The following NFATC2 variants were observed in gnomAD, a reference collection of about 807,000 sequenced individuals.
NFATC2 encodes the protein nuclear factor of activated T-cells, cytoplasmic 2.
A neutral mutation model predicts 87.3 loss-of-function variants in NFATC2; 22 were observed. The ratio of observed to expected loss-of-function variants is 0.25; its 90% CI spans 0.18 to 0.36. NFATC2 has a LOEUF of 0.36. Among genes scored for constraint, NFATC2 ranks in the 10% least tolerant of loss-of-function variants. The probability of loss-of-function intolerance (pLI) is 1.00; values close to 1 mark genes in which losing one functional copy is unlikely to be tolerated. For synonymous variants in NFATC2, 565 were observed against 542.2 expected (o/e 1.04, Z -0.58); for missense variants, 1,149 against 1,259.1 (o/e 0.91, Z 1.32).
chr20:51,397,849 G>A (rs1600650366), intron 10 of NFATC2, among the ~76,000 whole-genome samples: 1 of 152,282 alleles, frequency 6.6e-6, no homozygotes, highest in Middle Eastern at 3.4e-3. Flanking sequence ...ATTCCGATTA[G>A]AATATGGAGA....
chr20:51,554,930 C>T (rs1478873065), intron 1 of NFATC2, among the ~76,000 whole-genome samples: 1 of 152,062 alleles, frequency 6.6e-6, no homozygotes, highest in African/African-American at 2.4e-5. Context: ...TGAAGTGGTT[C>T]GAATATTCAT....
chr20:51,461,695 G>A (rs971173074), intron 5 of NFATC2, among the ~76,000 whole-genome samples: 8 of 152,248 alleles, frequency 5.3e-5, no homozygotes, highest in African/African-American at 1.7e-4. Flanking sequence ...CTGGAAATGG[G>A]AAGTTATTGC....
chr20:51,479,333 C>G (rs1989027718), intron 3 of NFATC2, among the ~76,000 whole-genome samples: 1 of 152,150 alleles, frequency 6.6e-6, no homozygotes, highest in South Asian at 2.1e-4. Flanking sequence ...AACAGTAATA[C>G]AGTGCCAGGC....
chr20:51,438,093 C>T (rs902478473), intron 6 of NFATC2, among the ~76,000 whole-genome samples: 3 of 152,186 alleles, frequency 2.0e-5, no homozygotes, highest in African/African-American at 7.2e-5. Context: ...TGAGTCCTTT[C>T]AGTGTGCAAA....
intron 5 of NFATC2, among the ~76,000 whole-genome samples, chr20:51,470,323 C>T (rs528907281): frequency 1.7e-4 from 26 of 152,202 alleles, no homozygotes; most frequent in Admixed American, 1.6e-3. Flanking sequence ...AGGATCTCCT[C>T]GGCAATGCTG....
chr20:51,431,532 G>A (rs949664804), intron 9 of NFATC2, among the ~76,000 whole-genome samples: 4 of 152,146 alleles, frequency 2.6e-5, no homozygotes, highest in African/African-American at 7.2e-5. Flanking sequence ...TCTGTTCCAC[G>A]AGCACAGGGT....
chr20:51,509,816 G>A (rs1011076395), intron 3 of NFATC2, among the ~76,000 whole-genome samples: 6 of 152,290 alleles, frequency 3.9e-5, no homozygotes, highest in East Asian at 1.9e-4. Flanking sequence ...GAGCATCCAC[G>A]TCCCATAATC....
Position 51,523,771 on chromosome 20 carries a change from C to A in NFATC2, c.470G>T (p.Gly157Val). ...AAGCGGCTCGCGGTAGCCCTCGAAGCCGGGCACGGGCAGGGTGAACCTCGG... is the reference window on the plus strand; with the variant it reads ...AAGCGGCTCGCGGTAGCCCTCGAAGACGGGCACGGGCAGGGTGAACCTCGG... ...ASPRFTLPVP[G>V]FEGYREPLCL... Residue 157 changes from glycine to valine, a missense_variant, in exon 2 of 11, where the codon GGC becomes GTC. Gly to Val is a moderately radical substitution (Grantham distance 109). Coordinates refer to ENST00000371564, the MANE Select transcript of NFATC2 (RefSeq NM_012340.5). The surrounding 1 kb of genome is among the most constrained non-coding windows in gnomAD (Gnocchi z 6.9). 6.2e-7 allele frequency: 1 copy of A among 1,609,602 alleles called. No homozygotes were observed. Among genetic ancestry groups the A allele is most frequent in the Non-Finnish European group, 8.5e-7 (1 of 1,177,892 alleles).
chr20:51,392,292 T>C (rs1283544550), intron 10 of NFATC2, among the ~76,000 whole-genome samples: 1 of 152,238 alleles, frequency 6.6e-6, no homozygotes. Context: ...TGAAGGATCA[T>C]GTGCCAGCTC....
intron 5 of NFATC2, among the ~76,000 whole-genome samples, chr20:51,455,281 TC>T (rs1986277350): frequency 6.6e-6 from 1 of 152,146 alleles, no homozygotes; most frequent in African/African-American, 2.4e-5. Context: ...CAGCCACACT[TC>T]TAGAACATTC....
intron 9 of NFATC2, among the ~76,000 whole-genome samples, chr20:51,429,628 C>T (rs571431073): frequency 6.6e-6 from 1 of 152,334 alleles, no homozygotes; most frequent in African/African-American, 2.4e-5. Flanking sequence ...CCACCTGGAG[C>T]GTGCGATGCG....
chr20:51,391,156 A>G lies in NFATC2; in HGVS notation c.*340T>C. On this transcript the variant is annotated 3_prime_UTR_variant, in exon 11 of 11. Coordinates refer to ENST00000371564, the MANE Select transcript of NFATC2 (RefSeq NM_012340.5). The stretch of plus-strand genomic sequence containing the variant: ...CAGGTGCTTACTATTTGGACGGAAC[A>G]CCATTAAGATCAACCAGGATGCTCT... The G allele has an allele frequency of 3.0e-6, 2 of 665,634 alleles. No individual in the cohort carries two copies. Among genetic ancestry groups the G allele is most frequent in the Non-Finnish European group, 5.5e-6 (2 of 361,222 alleles). 41.2% of individuals were successfully genotyped at this position (665,634 alleles called of 1,614,324 possible).
intron 1 of NFATC2, among the ~76,000 whole-genome samples, chr20:51,553,857 T>C (rs1395289638): frequency 1.3e-5 from 2 of 151,784 alleles, no homozygotes; most frequent in African/African-American, 4.8e-5. Flanking sequence ...GGGGATAGAG[T>C]ATTGGTTAAT....
intron 5 of NFATC2, among the ~76,000 whole-genome samples, chr20:51,472,913 G>A (rs1040154508): frequency 6.6e-5 from 10 of 152,112 alleles, no homozygotes; most frequent in African/African-American, 1.4e-4. Context: ...GAGCCACTGC[G>A]CCTTGCCTCT....
intron 3 of NFATC2, among the ~76,000 whole-genome samples, chr20:51,505,803 G>A (rs1455257516): frequency 6.6e-6 from 1 of 152,164 alleles, no homozygotes; most frequent in Non-Finnish European, 1.5e-5. Flanking sequence ...AAGAAATGGT[G>A]AGAGGGAACG....
chr20:51,423,269 G>T (rs1157114276), intron 9 of NFATC2, among the ~76,000 whole-genome samples: 1 of 116,074 alleles, frequency 8.6e-6, no homozygotes, highest in East Asian at 2.6e-4. Context: ...CAGCCTGGGT[G>T]ACAGAGTGAG....
At chr20:51,452,834 G>A (rs1230291281) in intron 6 of NFATC2, 1 of 154,458 alleles carries the variant, frequency 6.5e-6, no homozygotes, top group Non-Finnish European at 1.5e-5. Context: ...AATTCATTCA[G>A]ACCTTACCTT....
chr20:51,413,443 A>ACATATGG (rs1979577367), intron 9 of NFATC2, among the ~76,000 whole-genome samples: 1 of 152,144 alleles, frequency 6.6e-6, no homozygotes, highest in Non-Finnish European at 1.5e-5. Context: ...TCCCAAAGAA[A>ACATATGG]CATATGGCAT....
chr20:51,445,230 C>G (rs6021208), intron 6 of NFATC2, among the ~76,000 whole-genome samples: 1 of 152,148 alleles, frequency 6.6e-6, no homozygotes, highest in Admixed American at 6.5e-5. Flanking sequence ...TGGGCTCTCA[C>G]TCTCACGACG....
Sources: gnomAD v4.1 joint callset for allele counts (sites outside exome capture counted in the v4.1 genomes callset) on GRCh38, gnomAD v4.1.1 for gene constraint, Gnocchi (gnomAD v3.1) non-coding constraint, MANE v1.5 for transcripts, NCBI Gene and HGNC (gene_info 2026-07-23, HGNC 2026-07-21) for gene names.